OPCML: variants seen among roughly 807,000 people sequenced by gnomAD.
OPCML encodes the protein opioid binding protein/cell adhesion molecule like.
OPCML carries 13 observed loss-of-function variants against 37.8 expected under a neutral mutation model. The ratio of observed to expected loss-of-function variants is 0.34; its 90% CI spans 0.22 to 0.55. The LOEUF (loss-of-function observed/expected upper bound fraction) is 0.55. Ranked by LOEUF, OPCML falls within the 20% of genes least tolerant of loss-of-function variation. OPCML has a pLI of 0.91. For missense variants in OPCML, 341 were observed against 435.6 expected (o/e 0.78, Z 1.93); for synonymous variants, 176 against 168.8 (o/e 1.04, Z -0.33).
At chr11:132,624,281 G>T (rs1304762704) in intron 3 of OPCML, among the ~76,000 whole-genome samples, 2 of 152,170 alleles carry the variant, frequency 1.3e-5, no homozygotes, top group African/African-American at 2.4e-5. Context: ...AGTTTGTATA[G>T]TTGGCTTCCC....
At chr11:133,427,528 A>G (rs1276890053) in intron 1 of OPCML, among the ~76,000 whole-genome samples, 1 of 149,498 alleles carries the variant, frequency 6.7e-6, no homozygotes, top group Non-Finnish European at 1.5e-5. Flanking sequence ...ATATCAATTA[A>G]GCAAGTTTCC....
intron 1 of OPCML, among the ~76,000 whole-genome samples, chr11:133,105,991 A>C (rs1949151471): frequency 1.4e-5 from 1 of 70,622 alleles, no homozygotes; most frequent in Non-Finnish European, 2.9e-5. Context: ...TAAAAATAAA[A>C]AAAAAAAGAA....
At chr11:133,251,000 G>A (rs528175926) in intron 1 of OPCML, among the ~76,000 whole-genome samples, 20 of 152,196 alleles carry the variant, frequency 1.3e-4, no homozygotes, top group African/African-American at 3.1e-4. Context: ...GAAGGACTCC[G>A]GCATGCTGAG....
chr11:133,169,297 T>G (rs1405932906), intron 1 of OPCML, among the ~76,000 whole-genome samples: 1 of 152,184 alleles, frequency 6.6e-6, no homozygotes, highest in African/African-American at 2.4e-5. Flanking sequence ...GAGGCTAATT[T>G]CTTAACTATT....
chr11:132,978,344 A>G (rs1009966257), intron 1 of OPCML, among the ~76,000 whole-genome samples: 2 of 152,228 alleles, frequency 1.3e-5, no homozygotes, highest in African/African-American at 4.8e-5. Flanking sequence ...TTGGTTTAAC[A>G]TAGTCCCCCT....
At chr11:132,484,978 T>C (rs1321165793) in intron 4 of OPCML, among the ~76,000 whole-genome samples, 5 of 152,030 alleles carry the variant, frequency 3.3e-5, no homozygotes, top group Non-Finnish European at 7.4e-5. Flanking sequence ...AGATGACGAG[T>C]TAGTGGGTGC....
intron 3 of OPCML, among the ~76,000 whole-genome samples, chr11:132,617,981 C>T (rs1334895624): frequency 6.6e-6 from 1 of 152,186 alleles, no homozygotes; most frequent in African/African-American, 2.4e-5. Flanking sequence ...TAAGATAACT[C>T]CAGCTTCTTA....
At chr11:132,893,814 T>C (rs1425236497) in intron 2 of OPCML, among the ~76,000 whole-genome samples, 2 of 152,234 alleles carry the variant, frequency 1.3e-5, no homozygotes. Context: ...TTTCCAAAGA[T>C]GGTGGGCTGT....
intron 3 of OPCML, among the ~76,000 whole-genome samples, chr11:132,581,128 G>C (rs2096461252): frequency 6.6e-6 from 1 of 152,104 alleles, no homozygotes; most frequent in African/African-American, 2.4e-5. Context: ...AGCGTGACTT[G>C]CCCCAATTCA....
intron 1 of OPCML, among the ~76,000 whole-genome samples, chr11:133,191,628 G>A (rs896593608): frequency 6.6e-6 from 1 of 151,516 alleles, no homozygotes; most frequent in African/African-American, 2.4e-5. Context: ...TCAGTAGCTG[G>A]GATTACAGGC....
intron 1 of OPCML, among the ~76,000 whole-genome samples, chr11:133,072,476 A>C (rs1444297639): frequency 7.2e-5 from 11 of 152,246 alleles, no homozygotes; most frequent in African/African-American, 2.7e-4. Context: ...TAACTAAAAC[A>C]AATGAATGAA....
chr11:133,456,113 G>A (rs1214186792), intron 1 of OPCML, among the ~76,000 whole-genome samples: 1 of 152,168 alleles, frequency 6.6e-6, no homozygotes, highest in African/African-American at 2.4e-5. Context: ...CAGGTACTGT[G>A]GTGTGTAAAA....
intron 1 of OPCML, chr11:133,004,009 G>A (rs552610750): frequency 1.7e-5 from 17 of 985,412 alleles, no homozygotes; most frequent in African/African-American, 3.5e-5. Context: ...AGTGGCACAC[G>A]TCTCTCACCG....
intron 2 of OPCML, among the ~76,000 whole-genome samples, chr11:132,892,733 C>T (rs1007413415): frequency 2.6e-5 from 4 of 152,198 alleles, no homozygotes; most frequent in Non-Finnish European, 5.9e-5. Flanking sequence ...TGCCGTTGCA[C>T]TCCAGCCTGG....
intron 2 of OPCML, among the ~76,000 whole-genome samples, chr11:132,664,639 C>G (rs1260680026): frequency 2.0e-5 from 3 of 152,112 alleles, no homozygotes; most frequent in African/African-American, 4.8e-5. Context: ...AACAGGCAAG[C>G]CAAAATGAAA....
chr11:133,372,777 C>T (rs917174753), intron 1 of OPCML, among the ~76,000 whole-genome samples: 16 of 152,166 alleles, frequency 1.1e-4, no homozygotes, highest in Non-Finnish European at 2.4e-4. Flanking sequence ...TTTTGGTGGC[C>T]TTGTAGCAAG....
chr11:132,527,120 C>T (rs1471003682), intron 4 of OPCML, among the ~76,000 whole-genome samples: 2 of 152,062 alleles, frequency 1.3e-5, no homozygotes, highest in African/African-American at 4.8e-5. Context: ...CACAATTAAT[C>T]TATTTGCCTG....
chr11:132,667,398 G>C (rs1433349260), intron 2 of OPCML, among the ~76,000 whole-genome samples: 6 of 152,134 alleles, frequency 3.9e-5, no homozygotes, highest in Non-Finnish European at 8.8e-5. Context: ...TGAACTTTGA[G>C]TAGCCTGATT....
intron 2 of OPCML, among the ~76,000 whole-genome samples, chr11:132,832,353 A>T (rs1940743961): frequency 6.6e-6 from 1 of 152,138 alleles, no homozygotes; most frequent in South Asian, 2.1e-4. Flanking sequence ...CTAAACCTCA[A>T]ATCATAATGA....
Sources: allele counts gnomAD v4.1 joint callset (sites outside exome capture counted in the v4.1 genomes callset), GRCh38; gene constraint gnomAD v4.1.1; transcripts MANE v1.5; gene names NCBI Gene and HGNC (gene_info 2026-07-23, HGNC 2026-07-21).